Variants in EPHX2 observed in about 807,000 individuals in gnomAD.
The protein encoded by EPHX2 is epoxide hydrolase 2, also known as bifunctional epoxide hydrolase 2.
Under a neutral mutation model 78.7 loss-of-function variants are expected in EPHX2, and 74 were observed. The observed-to-expected ratio is 0.94, with a 90% confidence interval of 0.78 to 1.14. The LOEUF (loss-of-function observed/expected upper bound fraction) is 1.14. Among genes scored for constraint, EPHX2 ranks in the 50% most tolerant of loss-of-function variants. The pLI, the probability that EPHX2 is intolerant of heterozygous loss-of-function variation, is 0.00. For missense variants in EPHX2, 715 were observed against 702.5 expected (o/e 1.02, Z -0.20); for synonymous variants, 251 against 255.2 (o/e 0.98, Z 0.16).
intron 1 of EPHX2, among the ~76,000 whole-genome samples, chr8:27,497,265 GA>G (rs1813605715): frequency 6.6e-6 from 1 of 152,236 alleles, no homozygotes. Flanking sequence ...TTCTGGCCCA[GA>G]GAACCTTTGT....
At position 27,505,013 on chromosome 8, in the gene EPHX2, G is replaced by C; in HGVS notation, c.404G>C (p.Gly135Ala). The C allele has an allele frequency of 6.2e-7, 1 of 1,614,096 alleles. No individual in the cohort carries two copies. Among genetic ancestry groups the C allele is most frequent in the Non-Finnish European group, 8.5e-7 (1 of 1,180,026 alleles). The change falls in exon 4 of 19, where the codon GGC (glycine) becomes GCC (alanine). Residue 135 changes from glycine (G) to alanine (A), a missense_variant. Gly to Ala is a moderately conservative substitution (Grantham distance 60, BLOSUM62 0). Transcript: ENST00000521400. ...CTGGACGACCGTGCTGAGAGAGATG[G>C]CCTGGCCCAGCTGATGTGTGAGCTG... ...TWLDDRAERD[G>A]LAQLMCELKM...
At chr8:27,509,466 A>T (rs1814153427) in intron 5 of EPHX2, among the ~76,000 whole-genome samples, 1 of 152,008 alleles carries the variant, frequency 6.6e-6, no homozygotes, top group Admixed American at 6.5e-5. Context: ...CTTTTTTCAG[A>T]CAGAGTCTCA....
At position 27,522,303 on chromosome 8, in the gene EPHX2, G is replaced by C. The variant is rs191844883; in HGVS notation, c.973-120G>C. ...GAGGCTTGAAGGGTGGGCATTTGGAGAGCTGCTGTGGGTCGGGGGAGGAGA... is the reference window on the plus strand; with the variant it reads ...GAGGCTTGAAGGGTGGGCATTTGGACAGCTGCTGTGGGTCGGGGGAGGAGA... On this transcript the variant is annotated intron_variant, in intron 10 of 18. Coordinates refer to ENST00000521400, the MANE Select transcript of EPHX2 (RefSeq NM_001979.6). 810 of 811,528 alleles carry C rather than the reference G, an allele frequency of 1.0e-3. 6 individuals are homozygous for C. The East Asian group carries it at 0.02, about 20-fold the overall frequency. The allele number at this position is 811,528 out of a possible 1,614,324, so 50.3% of individuals were successfully genotyped here. A position where few individuals can be genotyped will look rare whatever the true frequency, so the allele number is the denominator to read the frequency against.
Position 27,500,978 on chromosome 8 carries a change from C to T in EPHX2, c.154C>T (p.Arg52Trp), listed in dbSNP as rs139234214. 23,148 of 1,613,072 alleles carry T rather than the reference C, an allele frequency of 0.014. 200 individuals are homozygous for T. The highest frequency in any genetic ancestry group is 0.017 in the Non-Finnish European group (20,013 of 1,179,482). ...AGGGGGACCAGAGGGTGCCACTACC[C>T]GGCTTATGAAAGGAGAGATCACACT... ...QKGGPEGATT[R>W]LMKGEITLSQ... The change falls in exon 2 of 19, where the codon CGG becomes TGG. Residue 52 changes from arginine (R) to tryptophan (W), a missense_variant. Physicochemically the swap from Arg to Trp is moderately radical, Grantham distance 101 (BLOSUM62 -3). Coordinates refer to ENST00000521400, the MANE Select transcript of EPHX2 (RefSeq NM_001979.6).
intron 12 of EPHX2, 52 bp from the exon 13 acceptor site, chr8:27,536,732 A>G (rs1485964926): frequency 6.2e-7 from 1 of 1,601,860 alleles, no homozygotes; most frequent in Non-Finnish European, 8.6e-7. Flanking sequence ...GGAGGGGTAC[A>G]GTTTCCACGA....
intron 8 of EPHX2, 50 bp downstream of exon 8, chr8:27,516,448 G>C: frequency 1.3e-6 from 2 of 1,558,210 alleles, no homozygotes; most frequent in Non-Finnish European, 1.8e-6. Flanking sequence ...CCTTCTACCT[G>C]CCTGAGCGCT....
chr8:27,498,540 T>C (rs1813655817), intron 1 of EPHX2, among the ~76,000 whole-genome samples: 1 of 152,128 alleles, frequency 6.6e-6, no homozygotes, highest in Non-Finnish European at 1.5e-5. Flanking sequence ...GAAGAAATAA[T>C]TTTCCCCTGT....
intron 13 of EPHX2, among the ~76,000 whole-genome samples, chr8:27,537,510 C>T (rs889765260): frequency 4.6e-5 from 7 of 152,168 alleles, no homozygotes; most frequent in African/African-American, 1.2e-4. Flanking sequence ...GAGTCAGCCT[C>T]GGGTCTAACC....
Position 27,515,734 on chromosome 8 carries a change from A to G in EPHX2, c.752A>G (p.His251Arg). 3 of 1,613,856 alleles carry G rather than the reference A, an allele frequency of 1.9e-6. No individual in the cohort carries two copies. The highest frequency in any genetic ancestry group is 2.5e-6 in the Non-Finnish European group (3 of 1,179,974). The change falls in exon 7 of 19, where the codon CAT becomes CGT. Residue 251 changes from histidine to arginine, a missense_variant. His to Arg is a conservative substitution (Grantham distance 29, BLOSUM62 0). Coordinates refer to ENST00000521400, the MANE Select transcript of EPHX2 (RefSeq NM_001979.6). ...YVTVKPRVRLHFVELGSGPAV... is the reference protein window; with the variant it reads ...YVTVKPRVRLRFVELGSGPAV... The stretch of plus-strand genomic sequence containing the variant: ...CTTCCACAGCCCAGGGTCCGTCTGC[A>G]TTTTGTGGAGCTGGGCTCCGGCCCT...
At chr8:27,536,270 T>A (rs1417351512) in intron 12 of EPHX2, among the ~76,000 whole-genome samples, 1 of 151,914 alleles carries the variant, frequency 6.6e-6, no homozygotes, top group African/African-American at 2.4e-5. Context: ...AAAAAAAAAA[T>A]TGTTTAAGTT....
intron 6 of EPHX2, chr8:27,512,165 A>G (rs1188941680): frequency 1.3e-5 from 6 of 452,648 alleles, no homozygotes. Context: ...TTGAACATCC[A>G]CTATTTATAA....
At chr8:27,502,231 T>TTAC (rs1813826416) in intron 2 of EPHX2, among the ~76,000 whole-genome samples, 1 of 152,258 alleles carries the variant, frequency 6.6e-6, no homozygotes, top group Admixed American at 6.5e-5. Context: ...CTCAACATTG[T>TTAC]ATGAGTGAGA....
At chr8:27,526,561 G>A (rs1377852836) in intron 12 of EPHX2, among the ~76,000 whole-genome samples, 2 of 152,096 alleles carry the variant, frequency 1.3e-5, no homozygotes, top group African/African-American at 4.8e-5. Context: ...CTTTGCTGGG[G>A]CTGCCATAAC....
intron 10 of EPHX2, 51 bp from the exon 11 acceptor site, chr8:27,522,372 C>T: frequency 6.3e-7 from 1 of 1,591,868 alleles, no homozygotes; most frequent in Non-Finnish European, 8.6e-7. Flanking sequence ...CTCTCAGCAC[C>T]CCGTTCCAGA....
chr8:27,505,762 C>A (rs1207120430), intron 4 of EPHX2, among the ~76,000 whole-genome samples: 1 of 152,162 alleles, frequency 6.6e-6, no homozygotes, highest in Non-Finnish European at 1.5e-5. Flanking sequence ...CTTTCACCTC[C>A]TGGACTTTGC....
intron 7 of EPHX2, 109 bp downstream of exon 7, chr8:27,515,922 T>C (rs1814433370): frequency 1.0e-6 from 1 of 961,564 alleles, no homozygotes. Flanking sequence ...CAGTGGAGCA[T>C]TGTCTCCAAA....
rs376540418 is a variant in EPHX2, at chr8:27,544,258, G to A, written c.1589+14G>A. 104 of 1,613,786 alleles carry A rather than the reference G, an allele frequency of 6.4e-5. No individual in the cohort carries two copies. The highest frequency in any genetic ancestry group is 2.5e-4 in the South Asian group (23 of 91,088). ...ACAGATGGACAAGTAAGGAGGTTGGGGGCTCCTGGGGTCGGGGAGAGCAGG... is the reference window on the plus strand; with the variant it reads ...ACAGATGGACAAGTAAGGAGGTTGGAGGCTCCTGGGGTCGGGGAGAGCAGG... On this transcript the variant is annotated intron_variant, in intron 18 of 18. Transcript: ENST00000521400.
chr8:27,512,060 T>G, intron 6 of EPHX2, 150 bp downstream of exon 6: 1 of 626,796 alleles, frequency 1.6e-6, no homozygotes, highest in Non-Finnish European at 2.8e-6. Flanking sequence ...ATCACACCAC[T>G]GTGCTCCAGC....
chr8:27,537,943 C>A lies in EPHX2; in HGVS notation c.1243-716C>A, dbSNP rs72477573. 1.6e-4 allele frequency among the ~76,000 whole-genome samples: 25 copies of A among 152,240 alleles called. No homozygotes were observed. In the South Asian group the frequency reaches 4.6e-3, roughly 28 times the overall value. On this transcript the variant is annotated intron_variant, in intron 13 of 18. Coordinates refer to ENST00000521400, the MANE Select transcript of EPHX2 (RefSeq NM_001979.6). ...TCTGTACCCATCTGCTTCAATTGGG[C>A]TTGAGGAAATGACCCCTTGAGTGGT...
Sources: allele counts gnomAD v4.1 joint callset (sites outside exome capture counted in the v4.1 genomes callset), GRCh38; gene constraint gnomAD v4.1.1; transcripts MANE v1.5; gene names NCBI Gene and HGNC (gene_info 2026-07-23, HGNC 2026-07-21).